Variants in MLYCD observed in about 807,000 individuals in gnomAD.
MLYCD encodes the protein malonyl-CoA decarboxylase, mitochondrial.
MLYCD carries 27 observed loss-of-function variants against 35.8 expected under a neutral mutation model. The observed-to-expected ratio is 0.75, with a 90% CI of 0.56 to 1.04. MLYCD has a LOEUF of 1.04. Ranked by LOEUF, MLYCD falls within the 50% of genes least tolerant of loss-of-function variation. MLYCD has a pLI of 0.00. For missense variants in MLYCD, 917 were observed against 665.1 expected (o/e 1.38, Z -4.17); for synonymous variants, 403 against 302.4 (o/e 1.33, Z -3.45).
chr16:83,908,243 G>T lies in MLYCD; in HGVS notation c.759G>T (p.Leu253Phe), dbSNP rs1286340229. The change falls in exon 3 of 5, where the codon TTG becomes TTT. Residue 253 changes from leucine to phenylalanine, a missense_variant. By Grantham distance (22) the Leu-to-Phe change is conservative. Coordinates refer to ENST00000262430, the MANE Select transcript of MLYCD (RefSeq NM_012213.3). ...CSTPGEPLVV[L>F]HVALTGDISS... ...CCCCTGGGGAGCCCCTGGTCGTTTTGCACGTGGCACTGACTGGTGACATCT... is the reference window on the plus strand; with the variant it reads ...CCCCTGGGGAGCCCCTGGTCGTTTTTCACGTGGCACTGACTGGTGACATCT... 3 of 1,614,064 alleles carry T rather than the reference G, an allele frequency of 1.9e-6. No individual in the cohort carries two copies. The highest frequency in any genetic ancestry group is 2.5e-6 in the Non-Finnish European group (3 of 1,180,046).
Position 83,923,253 on chromosome 16 carries a change from T to A in MLYCD, c.*7764T>A, listed in dbSNP as rs143395900. 1.6e-4 allele frequency: 25 copies of A among 152,378 alleles called. No homozygotes were observed. Among genetic ancestry groups the A allele is most frequent in the African/African-American group, 5.5e-4 (23 of 41,588 alleles). 9.4% of individuals were successfully genotyped at this position (152,378 alleles called of 1,614,324 possible). Reference sequence around the variant, plus strand: ...GTGCAGGCATGTGCTTATTCTGAGCTCTGTTTGAAATTAAACATGAGGTGT... The same window carrying A: ...GTGCAGGCATGTGCTTATTCTGAGCACTGTTTGAAATTAAACATGAGGTGT... On this transcript the variant is annotated 3_prime_UTR_variant, in exon 5 of 5. Coordinates refer to ENST00000262430, the MANE Select transcript of MLYCD (RefSeq NM_012213.3).
Position 83,899,583 on chromosome 16 carries a change from C to T in MLYCD, c.439C>T (p.Leu147=). 1 of 1,591,796 alleles carries T rather than the reference C, an allele frequency of 6.3e-7. No individual in the cohort carries two copies. The highest frequency in any genetic ancestry group is 8.5e-7 in the Non-Finnish European group (1 of 1,177,050). Residue 147 remains leucine (L), a synonymous_variant, in exon 1 of 5, where the codon CTG becomes TTG. Coordinates refer to ENST00000262430, the MANE Select transcript of MLYCD (RefSeq NM_012213.3). The part of the protein sequence containing the change: ...YRGLFHHISK[L]DGGVRFLVQL... ...CGGCCTCTTCCACCACATCAGCAAG[C>T]TGGACGGCGGCGTGCGCTTCCTGGT...
chr16:83,913,512 TGGAGGC>T (rs1325062435), intron 4 of MLYCD: 1 of 152,296 alleles, frequency 6.6e-6, no homozygotes, highest in African/African-American at 2.4e-5. Flanking sequence ...CCCCTCTGCG[TGGAGGC>T]GCTCGTCAGG....
rs3743624 is a variant in MLYCD, at chr16:83,921,780, C to T, written c.*6291C>T. 30,707 of 151,980 alleles carry T rather than the reference C, an allele frequency of 0.2. 3,533 individuals carry two copies. Among genetic ancestry groups the T allele is most frequent in the African/African-American group, 0.32 (13,108 of 41,462 alleles). 9.4% of individuals were successfully genotyped at this position (151,980 alleles called of 1,614,324 possible). A position where few individuals can be genotyped will look rare whatever the true frequency, so the allele number is the denominator to read the frequency against. The stretch of plus-strand genomic sequence containing the variant: ...GATGATCTGACCACCCATTCTTACA[C>T]ATGTCATCTTTCCCACAGTGGCAGT... On this transcript the variant is annotated 3_prime_UTR_variant, in exon 5 of 5. Transcript: ENST00000262430.
intron 1 of MLYCD, among the ~76,000 whole-genome samples, chr16:83,899,876 C>G (rs1320113889): frequency 1.2e-4 from 19 of 152,374 alleles, no homozygotes; most frequent in East Asian, 9.6e-4. Flanking sequence ...CCGCCTTCCT[C>G]CAGTCTGTCC....
chr16:83,909,263 C>T (rs1036955187), intron 3 of MLYCD, among the ~76,000 whole-genome samples: 3 of 152,132 alleles, frequency 2.0e-5, no homozygotes, highest in African/African-American at 7.2e-5. Context: ...ATGCTCAGCC[C>T]TGAGAGTCAG....
Position 83,916,793 on chromosome 16 carries a change from A to T in MLYCD, c.*1304A>T, listed in dbSNP as rs546193534. 2 of 87,114 alleles carry T rather than the reference A, an allele frequency of 2.3e-5. No individual in the cohort carries two copies. Among genetic ancestry groups the T allele is most frequent in the Non-Finnish European group, 4.2e-5 (2 of 47,230 alleles). 5.4% of individuals were successfully genotyped at this position (87,114 alleles called of 1,614,324 possible). A position where few individuals can be genotyped will look rare whatever the true frequency, so the allele number is the denominator to read the frequency against. On this transcript the variant is annotated 3_prime_UTR_variant, in exon 5 of 5. Coordinates refer to ENST00000262430, the MANE Select transcript of MLYCD (RefSeq NM_012213.3). ...CTGTGTGCATGTGCACGAGCGTTCTATGTGGATCAGTGCACGCCTGTGTGC... is the reference window on the plus strand; with the variant it reads ...CTGTGTGCATGTGCACGAGCGTTCTTTGTGGATCAGTGCACGCCTGTGTGC...
intron 4 of MLYCD, chr16:83,913,240 C>T (rs1317063791): frequency 5.3e-5 from 8 of 152,210 alleles, no homozygotes; most frequent in South Asian, 4.1e-4. Flanking sequence ...TTCATTACCA[C>T]GCCGCCATGT....
chr16:83,919,376 GAACAC>G lies in MLYCD; in HGVS notation c.*3889_*3893del, dbSNP rs1483357513. 1.4e-5 allele frequency: 2 copies of G among 145,088 alleles called. No homozygotes were observed. Among genetic ancestry groups the G allele is most frequent in the Non-Finnish European group, 3.0e-5 (2 of 67,006 alleles). 9.0% of individuals were successfully genotyped at this position (145,088 alleles called of 1,614,324 possible). The stretch of plus-strand genomic sequence containing the variant: ...AGGAGAACACACACAGTGCACAGGA[GAACAC>G]AGTGCACAGGAGAACACACACTGCA... On this transcript the variant is annotated 3_prime_UTR_variant, in exon 5 of 5. Transcript: ENST00000262430.
Position 83,901,949 on chromosome 16 carries a change from A to G in MLYCD, c.528+2277A>G, listed in dbSNP as rs533423153. Among the ~76,000 whole-genome samples, 27 of 152,278 alleles carry G rather than the reference A, an allele frequency of 1.8e-4. No homozygotes were observed. In the South Asian group the frequency reaches 5.4e-3, roughly 30 times the overall value. On this transcript the variant is annotated intron_variant, in intron 1 of 4. Coordinates refer to ENST00000262430, the MANE Select transcript of MLYCD (RefSeq NM_012213.3). ...CTTTGCCTCTGCATATGGTTTGGACATAATGGCTTCAGGAGCCTTTCTGTG... is the reference window on the plus strand; with the variant it reads ...CTTTGCCTCTGCATATGGTTTGGACGTAATGGCTTCAGGAGCCTTTCTGTG...
At chr16:83,912,690 C>T (rs1306279598) in intron 4 of MLYCD, 3 of 382,636 alleles carry the variant, frequency 7.8e-6, no homozygotes, top group African/African-American at 2.1e-5. Context: ...CACGTGTCAT[C>T]CTGGTGTAAG....
At chr16:83,907,592 G>A (rs574647133) in intron 2 of MLYCD, among the ~76,000 whole-genome samples, 85 of 152,262 alleles carry the variant, frequency 5.6e-4, no homozygotes, top group Middle Eastern at 6.8e-3. Context: ...ACCTTTGCAC[G>A]TAGGCATCTT....
intron 4 of MLYCD, 180 bp from the exon 5 acceptor site, chr16:83,914,776 C>T: frequency 1.1e-6 from 1 of 874,156 alleles, no homozygotes; most frequent in Admixed American, 2.2e-5. Flanking sequence ...AAGACCCTGA[C>T]TCTAAGAGGA....
intron 3 of MLYCD, among the ~76,000 whole-genome samples, chr16:83,909,169 G>A (rs1352456513): frequency 6.6e-6 from 1 of 152,150 alleles, no homozygotes; most frequent in African/African-American, 2.4e-5. Flanking sequence ...TTCTCTGAGG[G>A]CAATTTGGCA....
At chr16:83,908,371 C>A in intron 3 of MLYCD, 89 bp downstream of exon 3, 3 of 1,454,368 alleles carry the variant, frequency 2.1e-6, no homozygotes, top group Non-Finnish European at 1.8e-6. Context: ...TTGATTTTAT[C>A]CTCCTTTTTT....
chr16:83,902,155 G>GTATATATA lies in MLYCD; in HGVS notation c.528+2511_528+2518dup, dbSNP rs386385269. On this transcript the variant is annotated intron_variant, in intron 1 of 4. Transcript: ENST00000262430. ...TATGTGTGTGTGTGTGTGTGCGTGC[G>GTATATATA]TATATATATATATATATATATATAT... 2.9e-3 allele frequency among the ~76,000 whole-genome samples: 253 copies of GTATATATA among 87,174 alleles called. 1 individual carries two copies. The highest frequency in any genetic ancestry group is 0.011 in the African/African-American group (239 of 21,724). The allele number at this position is 87,174 out of a possible 152,430, so 57.2% of individuals were successfully genotyped here. A position where few individuals can be genotyped will look rare whatever the true frequency, so the allele number is the denominator to read the frequency against.
intron 3 of MLYCD, among the ~76,000 whole-genome samples, chr16:83,908,849 C>T (rs1907073704): frequency 6.6e-6 from 1 of 152,156 alleles, no homozygotes; most frequent in Non-Finnish European, 1.5e-5. Context: ...GCAGAAGAAC[C>T]AGGGAGCACA....
At chr16:83,913,517 G>T (rs1412753105) in intron 4 of MLYCD, 1 of 152,316 alleles carries the variant, frequency 6.6e-6, no homozygotes, top group Non-Finnish European at 1.5e-5. Flanking sequence ...CTGCGTGGAG[G>T]CGCTCGTCAG....
chr16:83,922,668 T>C lies in MLYCD; in HGVS notation c.*7179T>C, dbSNP rs935266165. 2 of 152,244 alleles carry C rather than the reference T, an allele frequency of 1.3e-5. No individual in the cohort carries two copies. The highest frequency in any genetic ancestry group is 4.8e-5 in the African/African-American group (2 of 41,442). 9.4% of individuals were successfully genotyped at this position (152,244 alleles called of 1,614,324 possible). The stretch of plus-strand genomic sequence containing the variant: ...CTGCTGAGAGGCTCAAAGGAGACGA[T>C]GTATATAAAGCAGTTAACTGATGCC... On this transcript the variant is annotated 3_prime_UTR_variant, in exon 5 of 5. Transcript: ENST00000262430.
Sources: gnomAD v4.1 joint callset for allele counts (sites outside exome capture counted in the v4.1 genomes callset) on GRCh38, gnomAD v4.1.1 for gene constraint, MANE v1.5 for transcripts, NCBI Gene and HGNC (gene_info 2026-07-23, HGNC 2026-07-21) for gene names.